Variants in MBNL3 observed in about 807,000 individuals in gnomAD.
MBNL3 encodes muscleblind like splicing regulator 3.
A neutral mutation model predicts 24.5 loss-of-function variants in MBNL3; 6 were observed. The ratio of observed to expected loss-of-function variants is 0.25; its 90% CI spans 0.13 to 0.48. The LOEUF (loss-of-function observed/expected upper bound fraction) is 0.48. Among genes scored for constraint, MBNL3 ranks in the 20% least tolerant of loss-of-function variants. MBNL3 has a pLI of 0.99. For synonymous variants in MBNL3, 100 were observed against 101.7 expected (o/e 0.98, Z 0.10); for missense variants, 230 against 293.5 (o/e 0.78, Z 1.58).
intron 1 of MBNL3, among the ~76,000 whole-genome samples, chrX:132,465,968 C>A (rs190333589): frequency 8.9e-6 from 1 of 111,795 alleles, no homozygotes; most frequent in East Asian, 2.8e-4. Context: ...ATTTCTATGA[C>A]AAATAATTTT....
intron 2 of MBNL3, chrX:132,413,416 G>T: frequency 1.0e-6 from 1 of 974,582 alleles, no homozygotes; most frequent in Non-Finnish European, 1.4e-6. Context: ...CTCCCGCTCT[G>T]TTCTTCTGCC....
chrX:132,462,949 C>T (rs921238464), intron 1 of MBNL3, among the ~76,000 whole-genome samples: 9 of 111,307 alleles, frequency 8.1e-5, no homozygotes, highest in Admixed American at 2.9e-4. Context: ...CAAAGAGCCA[C>T]GGGAAGTTGT....
Position 132,391,094 on chromosome X carries a change from A to G in MBNL3, c.535-11T>C. On this transcript the variant is annotated splice_polypyrimidine_tract_variant and intron_variant, in intron 4 of 8. Coordinates refer to ENST00000370853, the MANE Select transcript of MBNL3 (RefSeq NM_001386889.1). ...AAATTCTCGGCAAACCTTAGAACAC[A>G]CACATGCACATACACACGCATCACA... 8.6e-7 allele frequency: 1 copy of G among 1,164,797 alleles called. No homozygotes were observed. The highest frequency in any genetic ancestry group is 1.8e-5 in the South Asian group (1 of 55,869).
intron 5 of MBNL3, among the ~76,000 whole-genome samples, chrX:132,390,265 C>CAAAAA (rs59093044): frequency 1.9e-3 from 59 of 31,569 alleles, no homozygotes; most frequent in Middle Eastern, 0.021. Flanking sequence ...ACAACAACAA[C>CAAAAA]AAAAAAAAAA....
At chrX:132,429,734 T>C (rs1990296492) in intron 2 of MBNL3, 1 of 111,841 alleles carries the variant, frequency 8.9e-6, no homozygotes, top group African/African-American at 3.3e-5. Flanking sequence ...GCAGCATGAC[T>C]GTGATAAGAG....
intron 2 of MBNL3, among the ~76,000 whole-genome samples, chrX:132,437,144 C>T (rs956724207): frequency 6.3e-5 from 7 of 111,561 alleles, no homozygotes; most frequent in African/African-American, 2.0e-4. Context: ...CACTCTTTTG[C>T]CTTTAAATGG....
intron 2 of MBNL3, among the ~76,000 whole-genome samples, chrX:132,435,085 ATATGTAT>A (rs1217194854): frequency 9.0e-6 from 1 of 111,456 alleles, no homozygotes; most frequent in African/African-American, 3.3e-5. Flanking sequence ...TGAACTATCA[ATATGTAT>A]TTGTTTGGGT....
At chrX:132,488,655 G>A (rs2148563345) in intron 1 of MBNL3, among the ~76,000 whole-genome samples, 196 bp downstream of exon 1, 1 of 112,127 alleles carries the variant, frequency 8.9e-6, no homozygotes, top group Non-Finnish European at 1.9e-5. Context: ...GAGAAGAGGA[G>A]GAAGAGAAGG....
At chrX:132,418,532 A>T (rs1175271912) in intron 2 of MBNL3, among the ~76,000 whole-genome samples, 3 of 111,991 alleles carry the variant, frequency 2.7e-5, no homozygotes, top group Non-Finnish European at 5.6e-5. Context: ...ATAGTTCTAA[A>T]TAGAGGAATG....
At chrX:132,455,426 A>G (rs1458965892) in intron 1 of MBNL3, among the ~76,000 whole-genome samples, 2 of 112,306 alleles carry the variant, frequency 1.8e-5, no homozygotes, top group Admixed American at 9.4e-5. Flanking sequence ...AAAAAGCGAT[A>G]CGGACAATCA....
intron 1 of MBNL3, among the ~76,000 whole-genome samples, chrX:132,441,895 A>G (rs1218879419): frequency 2.7e-5 from 3 of 112,414 alleles, no homozygotes; most frequent in Admixed American, 9.4e-5. Flanking sequence ...TATCCACACA[A>G]TGGAATGTTA....
At chrX:132,449,748 G>A (rs1161609134) in intron 1 of MBNL3, among the ~76,000 whole-genome samples, 14 of 110,328 alleles carry the variant, frequency 1.3e-4, no homozygotes, top group East Asian at 8.5e-4. Flanking sequence ...TCATAGTGTC[G>A]ATGGTCTTTA....
intron 2 of MBNL3, among the ~76,000 whole-genome samples, chrX:132,424,144 A>T (rs758143631): frequency 8.9e-6 from 1 of 112,095 alleles, no homozygotes; most frequent in Non-Finnish European, 1.9e-5. Flanking sequence ...TTTTCTGGCA[A>T]CACTAAATAG....
At chrX:132,381,727 AATG>A (rs1935000857) in intron 8 of MBNL3, among the ~76,000 whole-genome samples, 1 of 112,162 alleles carries the variant, frequency 8.9e-6, no homozygotes, top group Non-Finnish European at 1.9e-5. Context: ...ATCACTGCGA[AATG>A]ATAAGGATAT....
rs759882979 is a variant in MBNL3 at position 132,392,247 on chromosome X, G to A, written c.430C>T (p.Pro144Ser). 4 of 1,209,986 alleles carry A rather than the reference G, an allele frequency of 3.3e-6. No individual in the cohort carries two copies. The highest frequency in any genetic ancestry group is 4.5e-6 in the Non-Finnish European group (4 of 894,249). The change falls in exon 4 of 9, where the codon CCT becomes TCT. Residue 144 changes from proline to serine, a missense_variant. Physicochemically the swap from Pro to Ser is moderately conservative, Grantham distance 74. Coordinates refer to ENST00000370853, the MANE Select transcript of MBNL3 (RefSeq NM_001386889.1). Reference sequence around the variant, plus strand: ...GGTGTATTTGGTACAAGTTCTGCAGGAACGAGGCCCATCCCAGGATGTGGT... The same window carrying A: ...GGTGTATTTGGTACAAGTTCTGCAGAAACGAGGCCCATCCCAGGATGTGGT... ...YIPHPGMGLV[P>S]AELVPNTPVL... is the part of the protein sequence containing the mutation.
intron 2 of MBNL3, chrX:132,437,962 A>AT: frequency 1.7e-6 from 1 of 576,136 alleles, no homozygotes; most frequent in Non-Finnish European, 2.1e-6. Flanking sequence ...AAAAACAAAA[A>AT]ACAAAAAACT....
chrX:132,383,854 G>A (rs1935487619), intron 7 of MBNL3, among the ~76,000 whole-genome samples: 2 of 111,887 alleles, frequency 1.8e-5, no homozygotes, highest in Non-Finnish European at 3.8e-5. Context: ...GGCCTGGATT[G>A]ATGTGAGACG....
At chrX:132,389,000 A>G (rs762987862) in intron 5 of MBNL3, among the ~76,000 whole-genome samples, 10 of 111,753 alleles carry the variant, frequency 8.9e-5, no homozygotes, top group Non-Finnish European at 1.7e-4. Flanking sequence ...ACAAGTAACA[A>G]TTGAAGGCCT....
intron 2 of MBNL3, among the ~76,000 whole-genome samples, chrX:132,412,530 C>T (rs1441573982): frequency 1.8e-5 from 2 of 112,447 alleles, no homozygotes; most frequent in Middle Eastern, 4.6e-3. Flanking sequence ...ATGTTTGCGG[C>T]TTTCCTTCAT....
Sources: gnomAD v4.1 joint callset for allele counts (sites outside exome capture counted in the v4.1 genomes callset) on GRCh38, gnomAD v4.1.1 for gene constraint, MANE v1.5 for transcripts, NCBI Gene and HGNC (gene_info 2026-07-23, HGNC 2026-07-21) for gene names.